GRID2: variants seen among roughly 807,000 people sequenced by gnomAD.
GRID2 encodes the protein glutamate ionotropic receptor delta type subunit 2.
A neutral mutation model predicts 114.8 loss-of-function variants in GRID2; 33 were observed. The ratio of observed to expected loss-of-function variants is 0.29; its 90% CI spans 0.22 to 0.38. The LOEUF (loss-of-function observed/expected upper bound fraction) is 0.38, where lower values mean the gene tolerates loss of function less well. GRID2 is among the 10% of genes least tolerant of loss of function. The probability of loss-of-function intolerance (pLI) is 1.00; values close to 1 mark genes in which losing one functional copy is unlikely to be tolerated. For synonymous variants in GRID2, 505 were observed against 449.9 expected (o/e 1.12, Z -1.55); for missense variants, 1,184 against 1,257.7 (o/e 0.94, Z 0.89).
intron 8 of GRID2, among the ~76,000 whole-genome samples, chr4:93,277,742 C>G (rs1752209876): frequency 6.6e-6 from 1 of 151,922 alleles, no homozygotes; most frequent in African/African-American, 2.4e-5. Flanking sequence ...CCACTTCACC[C>G]CTTTCACACA....
intron 4 of GRID2, among the ~76,000 whole-genome samples, chr4:93,182,789 A>G (rs1310427001): frequency 6.6e-6 from 1 of 152,210 alleles, no homozygotes; most frequent in Non-Finnish European, 1.5e-5. Flanking sequence ...AATCCTCTCT[A>G]GAGAAGGAAC....
At chr4:92,766,570 T>A (rs1288016166) in intron 2 of GRID2, among the ~76,000 whole-genome samples, 1 of 146,580 alleles carries the variant, frequency 6.8e-6, no homozygotes, top group Non-Finnish European at 1.5e-5. Flanking sequence ...ACACTTTCAC[T>A]AAGGAATGGT....
At chr4:92,840,907 C>T (rs181273035) in intron 2 of GRID2, among the ~76,000 whole-genome samples, 13 of 152,098 alleles carry the variant, frequency 8.5e-5, no homozygotes, top group African/African-American at 2.2e-4. Context: ...GTTTCAGTAA[C>T]TAAATGGGTT....
At chr4:93,280,253 C>G (rs1752513908) in intron 8 of GRID2, among the ~76,000 whole-genome samples, 1 of 151,992 alleles carries the variant, frequency 6.6e-6, no homozygotes, top group African/African-American at 2.4e-5. Context: ...AATGGCCTTT[C>G]TTCCTGCCAT....
At chr4:92,451,974 T>C (rs1010751991) in intron 1 of GRID2, among the ~76,000 whole-genome samples, 2 of 152,138 alleles carry the variant, frequency 1.3e-5, no homozygotes, top group Non-Finnish European at 2.9e-5. Flanking sequence ...GTAAACCATG[T>C]TTTTCTATGA....
intron 2 of GRID2, among the ~76,000 whole-genome samples, chr4:92,606,694 C>G (rs1181015998): frequency 6.6e-6 from 1 of 151,908 alleles, no homozygotes; most frequent in African/African-American, 2.4e-5. Flanking sequence ...TGCACTCCAC[C>G]CAGACCTGCG....
At chr4:93,051,850 T>TC (rs1055466538) in intron 2 of GRID2, among the ~76,000 whole-genome samples, 4 of 151,962 alleles carry the variant, frequency 2.6e-5, no homozygotes, top group Non-Finnish European at 4.4e-5. Context: ...TGCCTTTTTT[T>TC]CCCGAGTTTT....
chr4:93,489,380 A>C (rs1726745586), intron 11 of GRID2, among the ~76,000 whole-genome samples: 2 of 152,078 alleles, frequency 1.3e-5, no homozygotes, highest in South Asian at 4.1e-4. Flanking sequence ...GAATGGTAAG[A>C]AATAAAGTCA....
At chr4:92,559,581 G>A (rs906645809) in intron 1 of GRID2, among the ~76,000 whole-genome samples, 7 of 152,066 alleles carry the variant, frequency 4.6e-5, no homozygotes, top group Non-Finnish European at 8.8e-5. Flanking sequence ...CCACTTTATT[G>A]TCTTCCACAG....
At chr4:93,780,207 A>C (rs569373817) in intron 1 of GRID2, among the ~76,000 whole-genome samples, 3 of 152,340 alleles carry the variant, frequency 2.0e-5, no homozygotes, top group Admixed American at 2.0e-4. Context: ...AGGTGGTCAA[A>C]GGACGCCTGA....
intron 1 of GRID2, among the ~76,000 whole-genome samples, chr4:93,788,389 A>G (rs1734635066): frequency 6.6e-6 from 1 of 152,302 alleles, no homozygotes; most frequent in African/African-American, 2.4e-5. Context: ...CAGGATAAGC[A>G]GATAATAAGA....
At position 93,455,914 on chromosome 4, in the gene GRID2, A is replaced by G. The variant is rs969779097; in HGVS notation, c.1798A>G (p.Met600Val). ...LNPPRLQMGS[M>V]TSTTLYNSMW... ...TCCCCCACGATTACAAATGGGATCA[A>G]TGACGTCTACTACTCTCTACAACTC... Residue 600 changes from methionine to valine, a missense_variant, in exon 11 of 16, where the codon ATG (methionine) becomes GTG (valine). By Grantham distance (21) the Met-to-Val change is conservative. This residue lies in a region of GRID2 where 717 missense variants were observed against 796.9 expected (regional missense o/e 0.90). Transcript: ENST00000282020. 6 of 1,611,914 alleles carry G rather than the reference A, an allele frequency of 3.7e-6. No homozygotes were observed. In the African/African-American group the frequency reaches 5.3e-5, roughly 14 times the overall value.
chr4:93,434,415 A>G (rs1200945128), intron 10 of GRID2, among the ~76,000 whole-genome samples: 2 of 152,104 alleles, frequency 1.3e-5, no homozygotes, highest in South Asian at 2.1e-4. Context: ...AAACCTGCAC[A>G]TTGTGCACAT....
chr4:93,345,463 T>G (rs929746816), intron 8 of GRID2, among the ~76,000 whole-genome samples: 1 of 152,132 alleles, frequency 6.6e-6, no homozygotes, highest in African/African-American at 2.4e-5. Context: ...AAATGTATAT[T>G]CAGGTCATTT....
At chr4:92,588,223 T>C (rs1728542488) in intron 1 of GRID2, among the ~76,000 whole-genome samples, 1 of 152,058 alleles carries the variant, frequency 6.6e-6, no homozygotes, top group South Asian at 2.1e-4. Context: ...TGTCTAAATG[T>C]TTTTACAAGA....
At chr4:92,306,051 A>G (rs1725386247) in intron 1 of GRID2, among the ~76,000 whole-genome samples, 1 of 152,140 alleles carries the variant, frequency 6.6e-6, no homozygotes, top group African/African-American at 2.4e-5. Flanking sequence ...GCACGTACAC[A>G]TACTCCTGGT....
chr4:92,732,995 T>C (rs1013651259), intron 2 of GRID2, among the ~76,000 whole-genome samples: 8 of 152,088 alleles, frequency 5.3e-5, no homozygotes, highest in African/African-American at 1.9e-4. Context: ...TGTATGAGAT[T>C]GGTTTTAAAA....
intron 2 of GRID2, among the ~76,000 whole-genome samples, chr4:92,641,919 A>G (rs1158208693): frequency 1.3e-5 from 2 of 150,246 alleles, no homozygotes; most frequent in African/African-American, 4.9e-5. Context: ...TTGCTTTGGA[A>G]TGATGAACCC....
intron 13 of GRID2, among the ~76,000 whole-genome samples, chr4:93,592,297 C>G (rs1183572985): frequency 6.6e-6 from 1 of 152,010 alleles, no homozygotes; most frequent in Non-Finnish European, 1.5e-5. Flanking sequence ...TTTATTTCTG[C>G]CTTCATTTCG....
Sources: allele counts gnomAD v4.1 joint callset (sites outside exome capture counted in the v4.1 genomes callset), GRCh38; gene constraint gnomAD v4.1.1; regional missense constraint gnomAD v4.1.1; transcripts MANE v1.5; gene names NCBI Gene and HGNC (gene_info 2026-07-23, HGNC 2026-07-21).